KIF26B: variants seen among roughly 807,000 people sequenced by gnomAD.
KIF26B encodes kinesin family member 26B.
A neutral mutation model predicts 151.2 loss-of-function variants in KIF26B; 63 were observed. The ratio of observed to expected loss-of-function variants is 0.42; its 90% CI spans 0.34 to 0.51. KIF26B has a LOEUF of 0.51. Ranked by LOEUF, KIF26B falls within the 20% of genes least tolerant of loss-of-function variation. The pLI, the probability that KIF26B is intolerant of heterozygous loss-of-function variation, is 0.07. For missense variants in KIF26B, 2,813 were observed against 2,913.6 expected (o/e 0.97, Z 0.79); for synonymous variants, 1,357 against 1,262.1 (o/e 1.08, Z -1.59).
intron 10 of KIF26B, among the ~76,000 whole-genome samples, chr1:245,675,357 C>CT (rs1198824921): frequency 6.6e-6 from 1 of 152,182 alleles, no homozygotes; most frequent in African/African-American, 2.4e-5. Flanking sequence ...AGCCCCTGCC[C>CT]TAAATCACAT....
In KIF26B at chr1:245,688,129, A is replaced by ACCTCGCCCCCAAGCTCCGGGG. The variant is rs1553305625; in HGVS notation, c.5156_5157insAAGCTCCGGGGCCTCGCCCCC (p.Pro1719_Pro1725dup). The stretch of plus-strand genomic sequence containing the variant: ...GAGGAGCCTGGGCCGCAGCGCCGGG[A>ACCTCGCCCCCAAGCTCCGGGG]CCTCGCCCCCCAGCTCCGGGGCCTC... On this transcript the variant is annotated inframe_insertion, in exon 12 of 15. Transcript: ENST00000407071. The ACCTCGCCCCCAAGCTCCGGGG allele has an allele frequency of 8.2e-6, 13 of 1,582,794 alleles. No homozygotes were observed. The South Asian group carries it at 1.4e-4, about 17-fold the overall frequency.
intron 10 of KIF26B, among the ~76,000 whole-genome samples, chr1:245,651,071 C>T (rs1008578021): frequency 6.6e-6 from 1 of 152,254 alleles, no homozygotes; most frequent in Admixed American, 6.5e-5. Flanking sequence ...GAGCAAACAC[C>T]GCAGGCAACA....
chr1:245,599,242 G>A (rs2043366288), intron 5 of KIF26B, among the ~76,000 whole-genome samples: 1 of 152,212 alleles, frequency 6.6e-6, no homozygotes, highest in Non-Finnish European at 1.5e-5. Flanking sequence ...CAAAGGAGGT[G>A]AAGCAGAAAA....
chr1:245,451,246 T>C (rs932289792), intron 4 of KIF26B, among the ~76,000 whole-genome samples: 3 of 152,192 alleles, frequency 2.0e-5, no homozygotes, highest in African/African-American at 7.2e-5. Context: ...CACTGTTCAG[T>C]ACTTTAATTG....
intron 2 of KIF26B, among the ~76,000 whole-genome samples, chr1:245,321,125 C>T (rs182358210): frequency 3.9e-5 from 6 of 152,322 alleles, no homozygotes; most frequent in African/African-American, 1.4e-4. Context: ...TTTCACTACC[C>T]TAAAGCCCCC....
chr1:245,674,490 CA>C (rs2044333168), intron 10 of KIF26B, among the ~76,000 whole-genome samples: 1 of 152,208 alleles, frequency 6.6e-6, no homozygotes, highest in Non-Finnish European at 1.5e-5. Context: ...AATCTTTCAG[CA>C]CATCTTCATT....
At chr1:245,260,819 A>G (rs1361336481) in intron 2 of KIF26B, among the ~76,000 whole-genome samples, 3 of 152,218 alleles carry the variant, frequency 2.0e-5, no homozygotes, top group African/African-American at 7.2e-5. Flanking sequence ...CACATCATTA[A>G]GTTTCTGGAC....
At chr1:245,303,204 T>TC (rs1558381507) in intron 2 of KIF26B, among the ~76,000 whole-genome samples, 1 of 144,072 alleles carries the variant, frequency 6.9e-6, no homozygotes, top group Non-Finnish European at 1.5e-5. Context: ...GTTCTTTTTT[T>TC]TTTTTTTTTT....
intron 3 of KIF26B, among the ~76,000 whole-genome samples, chr1:245,392,154 G>A (rs373213466): frequency 4.6e-5 from 7 of 152,004 alleles, no homozygotes; most frequent in African/African-American, 1.4e-4. Flanking sequence ...CTCCTGAAAC[G>A]AAAGAGTTTG....
At position 245,708,708 on chromosome 1, in the gene KIF26B, T is replaced by C. The variant is rs1243104504; in HGVS notation, c.*6102T>C. The C allele has an allele frequency of 2.6e-5, 4 of 152,234 alleles. No homozygotes were observed. The highest frequency in any genetic ancestry group is 5.9e-5 in the Non-Finnish European group (4 of 68,046). 9.4% of individuals were successfully genotyped at this position (152,234 alleles called of 1,614,324 possible). A position where few individuals can be genotyped will look rare whatever the true frequency, so the allele number is the denominator to read the frequency against. On this transcript the variant is annotated 3_prime_UTR_variant, in exon 15 of 15. Coordinates refer to ENST00000407071, the MANE Select transcript of KIF26B (RefSeq NM_018012.4). ...TGCCAGTCGTCCCGTCCGTGATATA[T>C]TACCTAACTCCTCCAGAACTCAGTT...
At position 245,658,125 on chromosome 1, in the gene KIF26B, A is replaced by G. The variant is rs575590473; in HGVS notation, c.2258+11845A>G. Reference sequence around the variant, plus strand: ...TTGTCTGCTGTTGAACGTTACGTAAATGAAATCATACTCTATTCTATGCCC... The same window carrying G: ...TTGTCTGCTGTTGAACGTTACGTAAGTGAAATCATACTCTATTCTATGCCC... On this transcript the variant is annotated intron_variant, in intron 10 of 14. Transcript: ENST00000407071. 5.3e-4 allele frequency among the ~76,000 whole-genome samples: 80 copies of G among 152,302 alleles called. 1 individual carries two copies. The South Asian group carries it at 0.016, about 30-fold the overall frequency.
intron 2 of KIF26B, among the ~76,000 whole-genome samples, chr1:245,222,857 T>C (rs371597624): frequency 1.3e-5 from 2 of 152,228 alleles, no homozygotes; most frequent in African/African-American, 4.8e-5. Context: ...CAATAGCCTT[T>C]CTTAACCCAA....
rs1421452338 is a variant in KIF26B, at chr1:245,702,480, GCTGGATTCC to G, written c.6207_6215del (p.Asp2069_Leu2071del). 6.8e-6 allele frequency: 11 copies of G among 1,613,864 alleles called. No individual in the cohort carries two copies. The highest frequency in any genetic ancestry group is 2.7e-5 in the African/African-American group (2 of 74,936). ...CAGTTGACTTGGAGCAGGTTTGGGA[GCTGGATTCC>G]CTGGAGTACCTGGAGGCACTGGAGT... On this transcript the variant is annotated inframe_deletion, in exon 15 of 15. Coordinates refer to ENST00000407071, the MANE Select transcript of KIF26B (RefSeq NM_018012.4). The surrounding 1 kb of genome is among the most constrained non-coding windows in gnomAD (Gnocchi z 4.1).
intron 5 of KIF26B, among the ~76,000 whole-genome samples, chr1:245,556,333 T>TTCCTCCTTCCTCCCTCCTCCTCC (rs1558213101): frequency 9.2e-6 from 1 of 108,674 alleles, no homozygotes. Context: ...TTCCTCCTTC[T>TTCCTCCTTCCTCCCTCCTCCTCC]TCCTCCTTCC....
chr1:245,485,384 C>CTTTT (rs367794115), intron 4 of KIF26B, among the ~76,000 whole-genome samples: 2 of 62,546 alleles, frequency 3.2e-5, no homozygotes. Context: ...TTCCTAGCAT[C>CTTTT]ATTTTTTTTT....
chr1:245,370,759 A>G (rs1418222464), intron 3 of KIF26B: 1 of 397,744 alleles, frequency 2.5e-6, no homozygotes, highest in East Asian at 7.7e-5. Flanking sequence ...CCGATTAGGG[A>G]TTATTTGTGC....
rs561997021 is a variant in KIF26B at position 245,372,909 on chromosome 1, A to G, written c.999+5542A>G. On this transcript the variant is annotated intron_variant, in intron 3 of 14. Coordinates refer to ENST00000407071, the MANE Select transcript of KIF26B (RefSeq NM_018012.4). ...GTTTAGTAGCTTGACATCTTAGTCT[A>G]TTTCCTCACCTATGAAATTCCTACC... 1.2e-4 allele frequency among the ~76,000 whole-genome samples: 19 copies of G among 152,304 alleles called. No homozygotes were observed. The East Asian group carries it at 2.7e-3, about 22-fold the overall frequency.
intron 2 of KIF26B, among the ~76,000 whole-genome samples, chr1:245,246,047 G>A (rs1012488928): frequency 2.0e-5 from 3 of 150,676 alleles, no homozygotes; most frequent in Non-Finnish European, 4.4e-5. Flanking sequence ...AGCCGAGATC[G>A]TGCCACTGCA....
At chr1:245,329,902 T>C (rs1006083051) in intron 2 of KIF26B, among the ~76,000 whole-genome samples, 7 of 152,190 alleles carry the variant, frequency 4.6e-5, no homozygotes, top group Non-Finnish European at 8.8e-5. Context: ...AGCCTTGAAC[T>C]CCTAGGCTCA....
Sources: gnomAD v4.1 joint callset for allele counts (sites outside exome capture counted in the v4.1 genomes callset) on GRCh38, gnomAD v4.1.1 for gene constraint, Gnocchi (gnomAD v3.1) non-coding constraint, MANE v1.5 for transcripts, NCBI Gene and HGNC (gene_info 2026-07-23, HGNC 2026-07-21) for gene names.